DYRK4: variants seen among roughly 807,000 people sequenced by gnomAD.
The protein encoded by DYRK4 is dual specificity tyrosine-phosphorylation-regulated kinase 4.
A neutral mutation model predicts 68.3 loss-of-function variants in DYRK4; 64 were observed. The ratio of observed to expected loss-of-function variants is 0.94; its 90% CI spans 0.77 to 1.15. The LOEUF is 1.15. Among genes scored for constraint, DYRK4 ranks in the 50% most tolerant of loss-of-function variants. DYRK4 has a pLI of 0.00. For synonymous variants in DYRK4, 274 were observed against 289.9 expected (o/e 0.95, Z 0.56); for missense variants, 740 against 764.7 (o/e 0.97, Z 0.38).
At position 4,584,300 on chromosome 12, in the gene DYRK4, C is replaced by A. The variant is rs144228024; in HGVS notation, c.133-4637C>A. ...GGCACATAGATATGTTCAGTAAATG[C>A]GTTAAGAATGAATGCATCTCCAAGG... On this transcript the variant is annotated intron_variant, in intron 2 of 14. Coordinates refer to ENST00000543431, the MANE Select transcript of DYRK4 (RefSeq NM_001394779.1). 6.8e-4 allele frequency among the ~76,000 whole-genome samples: 104 copies of A among 152,254 alleles called. 1 individual carries two copies. Among genetic ancestry groups the A allele is most frequent in the Non-Finnish European group, 1.2e-3 (79 of 68,022 alleles).
Position 4,591,215 on chromosome 12 carries a change from C to T in DYRK4, c.380C>T (p.Pro127Leu). 6.2e-7 allele frequency: 1 copy of T among 1,614,140 alleles called. No homozygotes were observed. Among genetic ancestry groups the T allele is most frequent in the Non-Finnish European group, 8.5e-7 (1 of 1,180,022 alleles). The change falls in exon 5 of 15, where the codon CCT becomes CTT. Residue 127 changes from proline to leucine, a missense_variant. Pro to Leu is a moderately conservative substitution (Grantham distance 98). Transcript: ENST00000543431. This position sits in a 1 kb window ranked among gnomAD's most constrained non-coding sequence, Gnocchi z 4.1. ...PASELKASEI[P>L]FHPSIKTQDP... ...TCAGAGCTCAAGGCTTCAGAAATAC[C>T]TTTCCACCCTAGCATTAAAACCCAG...
At chr12:4,612,748 C>T in intron 14 of DYRK4, 30 bp downstream of exon 14, 1 of 1,609,772 alleles carries the variant, frequency 6.2e-7, no homozygotes, top group Non-Finnish European at 8.5e-7. Flanking sequence ...CAGTCCTAGT[C>T]CCACAGTCCG....
intron 2 of DYRK4, among the ~76,000 whole-genome samples, chr12:4,574,226 A>C (rs1944762767): frequency 3.1e-5 from 1 of 32,474 alleles, no homozygotes; most frequent in African/African-American, 1.3e-4. Context: ...CTCCATCTTA[A>C]AAAAAAAAAA....
At chr12:4,567,529 A>G (rs1591782725) in intron 1 of DYRK4, 1 of 162,150 alleles carries the variant, frequency 6.2e-6, no homozygotes, top group East Asian at 1.8e-4. Context: ...AAGAAGATGC[A>G]AACATGGCCA....
chr12:4,606,400 C>G (rs1945152376), intron 11 of DYRK4, among the ~76,000 whole-genome samples: 1 of 152,114 alleles, frequency 6.6e-6, no homozygotes, highest in African/African-American at 2.4e-5. Flanking sequence ...ACACATATAG[C>G]CTTGAGAATG....
intron 11 of DYRK4, among the ~76,000 whole-genome samples, chr12:4,605,792 T>G (rs1173204679): frequency 6.8e-6 from 1 of 147,120 alleles, no homozygotes; most frequent in Non-Finnish European, 1.5e-5. Flanking sequence ...GAATAATGCT[T>G]CTTGCTAGAA....
chr12:4,597,349 G>C (rs1420151973), intron 8 of DYRK4, among the ~76,000 whole-genome samples: 1 of 152,220 alleles, frequency 6.6e-6, no homozygotes, highest in African/African-American at 2.4e-5. Context: ...ATAATCAGGG[G>C]TGAGCTCTCA....
At position 4,583,222 on chromosome 12, in the gene DYRK4, A is replaced by G. The variant is rs1026196373; in HGVS notation, c.133-5715A>G. ...AACCTCCACCTCCCAGGTTCAAGCA[A>G]TTCTCATTCCTCAGCTTCTACCCCT... On this transcript the variant is annotated intron_variant, in intron 2 of 14. Coordinates refer to ENST00000543431, the MANE Select transcript of DYRK4 (RefSeq NM_001394779.1). 5.5e-4 allele frequency among the ~76,000 whole-genome samples: 83 copies of G among 151,934 alleles called. 1 individual carries two copies. Among genetic ancestry groups the G allele is most frequent in the African/African-American group, 1.9e-3 (80 of 41,362 alleles).
At chr12:4,573,968 G>A (rs944711788) in intron 2 of DYRK4, among the ~76,000 whole-genome samples, 3 of 152,118 alleles carry the variant, frequency 2.0e-5, no homozygotes, top group Non-Finnish European at 4.4e-5. Flanking sequence ...GCTCACGCCT[G>A]TAATTCCAGC....
At chr12:4,601,982 C>T in intron 10 of DYRK4, 45 of 277,488 alleles carry the variant, frequency 1.6e-4, no homozygotes, top group East Asian at 4.5e-4. Context: ...TTTTCTGTTC[C>T]TTCAAAGTCT....
At chr12:4,601,039 G>C (rs1297028470) in intron 10 of DYRK4, among the ~76,000 whole-genome samples, 1 of 151,854 alleles carries the variant, frequency 6.6e-6, no homozygotes, top group Non-Finnish European at 1.5e-5. Context: ...CAGGATAAAA[G>C]GTCAATTATT....
intron 2 of DYRK4, among the ~76,000 whole-genome samples, chr12:4,582,628 C>T (rs1014370282): frequency 6.6e-6 from 1 of 152,058 alleles, no homozygotes; most frequent in Non-Finnish European, 1.5e-5. Context: ...ACAGAGGCTT[C>T]CTGGAGAAAG....
intron 2 of DYRK4, among the ~76,000 whole-genome samples, chr12:4,586,254 C>T (rs549613883): frequency 6.6e-6 from 1 of 152,042 alleles, no homozygotes; most frequent in Admixed American, 6.6e-5. Flanking sequence ...ATCTCCTGTC[C>T]CCTCTAGAGG....
chr12:4,591,469 T>C lies in DYRK4; in HGVS notation c.463+171T>C. ...CGTTGAACCTCTGACTGTGGTAGTA[T>C]AAGCAAGAGGCTGAATAGGAGGCTG... On this transcript the variant is annotated intron_variant, in intron 5 of 14. Transcript: ENST00000543431. This position sits in a 1 kb window ranked among gnomAD's most constrained non-coding sequence, Gnocchi z 4.1. The C allele has an allele frequency of 1.1e-6, 1 of 939,794 alleles. No individual in the cohort carries two copies. Among genetic ancestry groups the C allele is most frequent in the Non-Finnish European group, 1.5e-6 (1 of 653,344 alleles). 58.2% of individuals were successfully genotyped at this position (939,794 alleles called of 1,614,324 possible).
intron 2 of DYRK4, among the ~76,000 whole-genome samples, chr12:4,576,702 C>T (rs904258151): frequency 6.6e-5 from 10 of 152,166 alleles, no homozygotes; most frequent in Non-Finnish European, 1.3e-4. Flanking sequence ...CGGTTTTGGA[C>T]GTTCTAGTAG....
At chr12:4,580,745 A>C (rs1049192820) in intron 2 of DYRK4, 6 of 445,306 alleles carry the variant, frequency 1.3e-5, no homozygotes, top group African/African-American at 1.0e-4. Context: ...TTGTGAGCTG[A>C]TATCACAGAA....
intron 3 of DYRK4, 49 bp from the exon 4 acceptor site, chr12:4,590,281 G>A (rs1299318913): frequency 1.1e-5 from 16 of 1,502,924 alleles, no homozygotes; most frequent in Middle Eastern, 1.7e-4. Context: ...CCCTGGAGAC[G>A]TTTTCTTGCC....
intron 8 of DYRK4, 65 bp downstream of exon 8, chr12:4,596,794 G>A: frequency 1.2e-6 from 2 of 1,600,438 alleles, no homozygotes; most frequent in African/African-American, 1.4e-5. Context: ...AGTTTTTGAG[G>A]TCAGAACACT....
intron 2 of DYRK4, among the ~76,000 whole-genome samples, chr12:4,573,622 G>C (rs189989034): frequency 9.2e-5 from 14 of 152,246 alleles, no homozygotes; most frequent in African/African-American, 4.8e-5. Flanking sequence ...TGCAATCCCT[G>C]CCCTCCCGGT....
Sources: allele counts gnomAD v4.1 joint callset (sites outside exome capture counted in the v4.1 genomes callset), GRCh38; gene constraint gnomAD v4.1.1; non-coding constraint Gnocchi (gnomAD v3.1); transcripts MANE v1.5; gene names NCBI Gene and HGNC (gene_info 2026-07-23, HGNC 2026-07-21).